Variants in BEGAIN observed in about 807,000 individuals in gnomAD.
BEGAIN encodes the protein brain enriched guanylate kinase associated, also known as brain-enriched guanylate kinase-associated protein.
Under a neutral mutation model 35.8 loss-of-function variants are expected in BEGAIN, and 19 were observed. That is an observed-to-expected ratio of 0.53 (90% confidence interval 0.37 to 0.78). The LOEUF is 0.78. Ranked by LOEUF, BEGAIN falls within the 30% of genes least tolerant of loss-of-function variation. BEGAIN has a pLI of 0.00. For synonymous variants in BEGAIN, 462 were observed against 388.6 expected (o/e 1.19, Z -2.22); for missense variants, 795 against 853.6 (o/e 0.93, Z 0.85).
intron 3 of BEGAIN, 158 bp downstream of exon 3, chr14:100,546,343 C>T (rs2032383365): frequency 2.5e-6 from 1 of 406,492 alleles, no homozygotes; most frequent in African/African-American, 2.0e-5. Context: ...TGCCCCACCC[C>T]GGCCCTCGCC....
In BEGAIN at chr14:100,568,658, C is replaced by T; in HGVS notation, c.43-719G>A. ...CCCTGCCCAGCCCCGCTCAGCCGGG[C>T]AGCCCCTCCGCGCGCCGGGCAGGGG... On this transcript the variant is annotated intron_variant, in intron 1 of 6. Coordinates refer to ENST00000554140, the MANE Select transcript of BEGAIN (RefSeq NM_001385089.1). The surrounding 1 kb of genome is among the most constrained non-coding windows in gnomAD (Gnocchi z 7.5). 1.9e-6 allele frequency: 1 copy of T among 522,374 alleles called. No homozygotes were observed. The highest frequency in any genetic ancestry group is 2.5e-6 in the Non-Finnish European group (1 of 407,164). The allele number at this position is 522,374 out of a possible 1,614,324, so 32.4% of individuals were successfully genotyped here. A position where few individuals can be genotyped will look rare whatever the true frequency, so the allele number is the denominator to read the frequency against.
intron 1 of BEGAIN, among the ~76,000 whole-genome samples, chr14:100,570,433 C>T (rs150261399): frequency 6.6e-6 from 1 of 152,330 alleles, no homozygotes; most frequent in East Asian, 1.9e-4. Context: ...AGCTCAAATC[C>T]TCCTCTGACC....
Position 100,545,058 on chromosome 14 carries a change from C to T in BEGAIN, c.242G>A (p.Ser81Asn), listed in dbSNP as rs776237670. ...GATCCTCTGCAGTGCCATGTAGTTG[C>T]TCTGAATCCTGGTGCAGGAGGCAAG... ...KVTEKLRRIQ[S>N]NYMALQRINQ... The change falls in exon 4 of 7, where the codon AGC (serine) becomes AAC (asparagine). Residue 81 changes from serine to asparagine, a missense_variant. Transcript: ENST00000554140. 1.6e-5 allele frequency: 26 copies of T among 1,613,440 alleles called. No individual in the cohort carries two copies. Among genetic ancestry groups the T allele is most frequent in the Non-Finnish European group, 2.0e-5 (24 of 1,179,992 alleles).
intron 2 of BEGAIN, among the ~76,000 whole-genome samples, chr14:100,555,253 GCAA>G (rs1232678770): frequency 6.6e-6 from 1 of 152,232 alleles, no homozygotes; most frequent in Non-Finnish European, 1.5e-5. Flanking sequence ...CAAAGGAGCA[GCAA>G]CAAGCCCTGT....
At chr14:100,564,478 G>A (rs1237248760) in intron 2 of BEGAIN, among the ~76,000 whole-genome samples, 4 of 152,110 alleles carry the variant, frequency 2.6e-5, no homozygotes, top group African/African-American at 7.2e-5. Context: ...TGGAGGGAGA[G>A]GAGGGGATTA....
intron 2 of BEGAIN, among the ~76,000 whole-genome samples, chr14:100,555,495 C>T (rs539956365): frequency 1.7e-4 from 26 of 152,216 alleles, no homozygotes; most frequent in Non-Finnish European, 2.5e-4. Context: ...CCCTGCCCAC[C>T]GTGTGCACCC....
rs151157001 is a variant in BEGAIN at position 100,576,476 on chromosome 14, T to A, written c.43-8537A>T. ...GAGTATCACTCGGCGAGAGTCACCGTGCTCACCCGGAATTCATCCTCAGAA... is the reference window on the plus strand; with the variant it reads ...GAGTATCACTCGGCGAGAGTCACCGAGCTCACCCGGAATTCATCCTCAGAA... On this transcript the variant is annotated intron_variant, in intron 1 of 6. Transcript: ENST00000554140. 2.0e-3 allele frequency among the ~76,000 whole-genome samples: 299 copies of A among 152,310 alleles called. 1 individual carries two copies. Among genetic ancestry groups the A allele is most frequent in the African/African-American group, 7.1e-3 (294 of 41,556 alleles).
At chr14:100,574,043 C>G (rs1052597492) in intron 1 of BEGAIN, among the ~76,000 whole-genome samples, 1 of 152,102 alleles carries the variant, frequency 6.6e-6, no homozygotes. Context: ...ATGCGCTGAC[C>G]CACAGGTAGG....
chr14:100,541,489 C>G (rs1228493531), intron 5 of BEGAIN, among the ~76,000 whole-genome samples: 1 of 152,252 alleles, frequency 6.6e-6, no homozygotes, highest in African/African-American at 2.4e-5. Context: ...GGCTGGTGCC[C>G]CCAACTTGGC....
intron 2 of BEGAIN, among the ~76,000 whole-genome samples, chr14:100,565,136 A>T (rs1367905819): frequency 6.6e-6 from 1 of 152,178 alleles, no homozygotes; most frequent in Non-Finnish European, 1.5e-5. Flanking sequence ...TGGAGGGCCA[A>T]CCGGGTCTTT....
At position 100,557,504 on chromosome 14, in the gene BEGAIN, G is replaced by T. The variant is rs191749138; in HGVS notation, c.71+10407C>A. 4.6e-5 allele frequency among the ~76,000 whole-genome samples: 7 copies of T among 152,290 alleles called. No homozygotes were observed. In the East Asian group the frequency reaches 1.4e-3, roughly 29 times the overall value. On this transcript the variant is annotated intron_variant, in intron 2 of 6. Transcript: ENST00000554140. Reference sequence around the variant, plus strand: ...CCCACTCTCTTTCCAGCTCAGGCCTGAGGATGCCCCTCACTCCATCACTGC... The same window carrying T: ...CCCACTCTCTTTCCAGCTCAGGCCTTAGGATGCCCCTCACTCCATCACTGC...
intron 1 of BEGAIN, among the ~76,000 whole-genome samples, chr14:100,579,970 GC>G (rs2035281828): frequency 6.6e-6 from 1 of 152,190 alleles, no homozygotes; most frequent in Non-Finnish European, 1.5e-5. Context: ...TGCGGATCCA[GC>G]CCGGCCTATC....
At chr14:100,553,542 C>T (rs1026144496) in intron 2 of BEGAIN, among the ~76,000 whole-genome samples, 10 of 152,140 alleles carry the variant, frequency 6.6e-5, no homozygotes, top group African/African-American at 2.2e-4. Context: ...CTTCAGATTT[C>T]CCCCAAATGT....
At chr14:100,550,126 G>A (rs1196198868) in intron 2 of BEGAIN, among the ~76,000 whole-genome samples, 1 of 152,218 alleles carries the variant, frequency 6.6e-6, no homozygotes, top group Non-Finnish European at 1.5e-5. Context: ...GGAATTCCCT[G>A]GACTGGGGTG....
chr14:100,545,521 G>C (rs994564978), intron 3 of BEGAIN: 4 of 793,776 alleles, frequency 5.0e-6, no homozygotes, highest in East Asian at 1.3e-4. Flanking sequence ...AACAAGACTC[G>C]GTTCTGCCGG....
chr14:100,583,959 A>G (rs2035381059), intron 1 of BEGAIN, among the ~76,000 whole-genome samples: 1 of 152,142 alleles, frequency 6.6e-6, no homozygotes, highest in East Asian at 1.9e-4. Flanking sequence ...TTGGCCTCCC[A>G]AAGTGCTGGG....
chr14:100,560,323 C>T (rs921887633), intron 2 of BEGAIN, among the ~76,000 whole-genome samples: 1 of 152,184 alleles, frequency 6.6e-6, no homozygotes. Context: ...GTGATTTGGG[C>T]CCAGCTCTGT....
chr14:100,553,374 C>T (rs1469596786), intron 2 of BEGAIN, among the ~76,000 whole-genome samples: 3 of 152,244 alleles, frequency 2.0e-5, no homozygotes, highest in East Asian at 3.9e-4. Context: ...CATTCCAGGG[C>T]AGAAAGAGGG....
chr14:100,559,126 G>A (rs920490606), intron 2 of BEGAIN, among the ~76,000 whole-genome samples: 6 of 152,228 alleles, frequency 3.9e-5, no homozygotes, highest in Middle Eastern at 3.4e-3. Context: ...GCTTGGGGCC[G>A]TCCCTCTGCT....
Sources: allele counts gnomAD v4.1 joint callset (sites outside exome capture counted in the v4.1 genomes callset), GRCh38; gene constraint gnomAD v4.1.1; non-coding constraint Gnocchi (gnomAD v3.1); transcripts MANE v1.5; gene names NCBI Gene and HGNC (gene_info 2026-07-23, HGNC 2026-07-21).